SPAG16: variants seen among roughly 807,000 people sequenced by gnomAD.
SPAG16 encodes sperm-associated antigen 16 protein.
A neutral mutation model predicts 80.4 loss-of-function variants in SPAG16; 86 were observed. The observed-to-expected ratio is 1.07, with a 90% CI of 0.90 to 1.28. SPAG16 has a LOEUF of 1.28. Ranked by LOEUF, SPAG16 falls within the 50% of genes most tolerant of loss-of-function variation. The probability of loss-of-function intolerance (pLI) is 0.00; values close to 1 mark genes in which losing one functional copy is unlikely to be tolerated. For missense variants in SPAG16, 870 were observed against 765.3 expected (o/e 1.14, Z -1.61); for synonymous variants, 294 against 265.9 (o/e 1.11, Z -1.03).
At chr2:213,680,467 C>G (rs2064324792) in intron 10 of SPAG16, among the ~76,000 whole-genome samples, 1 of 151,450 alleles carries the variant, frequency 6.6e-6, no homozygotes, top group Non-Finnish European at 1.5e-5. Context: ...ATTACAAAGG[C>G]AAAAACAAGG....
intron 15 of SPAG16, among the ~76,000 whole-genome samples, chr2:214,326,756 T>C (rs1347906304): frequency 6.6e-6 from 1 of 151,918 alleles, no homozygotes; most frequent in Non-Finnish European, 1.5e-5. Flanking sequence ...CCATCCTGGC[T>C]AACACGGTGA....
intron 10 of SPAG16, among the ~76,000 whole-genome samples, chr2:213,645,504 A>C (rs2062787998): frequency 6.6e-6 from 1 of 152,120 alleles, no homozygotes; most frequent in Admixed American, 6.5e-5. Flanking sequence ...CCTTCAAGGC[A>C]GTGGGTTCTT....
At chr2:214,202,186 G>C (rs974498319) in intron 15 of SPAG16, among the ~76,000 whole-genome samples, 11 of 152,176 alleles carry the variant, frequency 7.2e-5, no homozygotes, top group Non-Finnish European at 1.3e-4. Context: ...TACTTTGGAT[G>C]TGGGAGACGT....
At chr2:213,863,590 T>G (rs974515282) in intron 11 of SPAG16, among the ~76,000 whole-genome samples, 5 of 152,096 alleles carry the variant, frequency 3.3e-5, no homozygotes, top group African/African-American at 1.2e-4. Context: ...TTTATGAACA[T>G]GCAGTGTATT....
chr2:213,781,629 G>A (rs1030081568), intron 10 of SPAG16, among the ~76,000 whole-genome samples: 1 of 152,102 alleles, frequency 6.6e-6, no homozygotes, highest in Admixed American at 6.5e-5. Context: ...TTACATTAAG[G>A]AGAAAAATCT....
chr2:213,964,275 A>C (rs1393567585), intron 12 of SPAG16, among the ~76,000 whole-genome samples: 1 of 152,164 alleles, frequency 6.6e-6, no homozygotes, highest in African/African-American at 2.4e-5. Flanking sequence ...AAGGACAATA[A>C]ATATGCAATT....
intron 9 of SPAG16, among the ~76,000 whole-genome samples, chr2:213,423,007 A>C (rs2069690905): frequency 6.6e-6 from 1 of 152,224 alleles, no homozygotes; most frequent in Admixed American, 6.5e-5. Flanking sequence ...TTAGGCTGTT[A>C]CTTCAAACAC....
chr2:214,208,663 T>A (rs1912168), intron 15 of SPAG16, among the ~76,000 whole-genome samples: 3,105 of 150,232 alleles, frequency 0.021, 56 homozygotes, highest in Non-Finnish European at 0.031. Context: ...GAGGTTGCAA[T>A]TTTTTTTTTA....
At chr2:213,763,291 A>G (rs1479019264) in intron 10 of SPAG16, among the ~76,000 whole-genome samples, 3 of 152,204 alleles carry the variant, frequency 2.0e-5, no homozygotes, top group Admixed American at 6.5e-5. Context: ...ATTTAGCACT[A>G]AGAATTGAAA....
intron 10 of SPAG16, among the ~76,000 whole-genome samples, chr2:213,797,084 A>G (rs2071089189): frequency 6.6e-6 from 1 of 152,064 alleles, no homozygotes; most frequent in Non-Finnish European, 1.5e-5. Flanking sequence ...AATCAACCTT[A>G]TAGAATAAGA....
chr2:213,556,356 A>C (rs1326596264), intron 10 of SPAG16, among the ~76,000 whole-genome samples: 1 of 151,328 alleles, frequency 6.6e-6, no homozygotes, highest in Non-Finnish European at 1.5e-5. Context: ...TGCCTACAAG[A>C]GCCTCACTTT....
At chr2:214,118,028 C>G (rs367920513) in intron 14 of SPAG16, among the ~76,000 whole-genome samples, 1 of 152,090 alleles carries the variant, frequency 6.6e-6, no homozygotes, top group Non-Finnish European at 1.5e-5. Flanking sequence ...AAAGAAATAA[C>G]GCGCATCCAA....
intron 12 of SPAG16, among the ~76,000 whole-genome samples, chr2:213,949,179 T>TTTTTTTTTTTTTTTTTG (rs1553677674): frequency 5.5e-5 from 2 of 36,254 alleles, no homozygotes; most frequent in Admixed American, 4.8e-4. Flanking sequence ...GTTTTTTTTT[T>TTTTTTTTTTTTTTTTTG]TTTTTTTTTT....
chr2:214,101,412 GTTGT>G lies in SPAG16; in HGVS notation c.1528-6777_1528-6774del, dbSNP rs1260480476. Among the ~76,000 whole-genome samples, 3 of 152,160 alleles carry G rather than the reference GTTGT, an allele frequency of 2.0e-5. No homozygotes were observed. In the East Asian group the frequency reaches 5.8e-4, roughly 29 times the overall value. On this transcript the variant is annotated intron_variant, in intron 13 of 15. Transcript: ENST00000331683. ...GGATCTCTCAGCCATGACCTTGAATGTTGTTTGTTTCTGCCAGAGGGAAAAGGGA... is the reference window on the plus strand; with the variant it reads ...GGATCTCTCAGCCATGACCTTGAATGTTGTTTCTGCCAGAGGGAAAAGGGA...
At chr2:213,858,449 A>G (rs2075272253) in intron 10 of SPAG16, among the ~76,000 whole-genome samples, 1 of 152,220 alleles carries the variant, frequency 6.6e-6, no homozygotes, top group Admixed American at 6.5e-5. Context: ...TTTTAGCAAT[A>G]AAGTATTTTT....
intron 6 of SPAG16, among the ~76,000 whole-genome samples, chr2:213,347,715 C>T (rs1167339094): frequency 6.6e-6 from 1 of 152,196 alleles, no homozygotes; most frequent in Non-Finnish European, 1.5e-5. Context: ...TTTCTTAATC[C>T]TGAGTTCTAG....
intron 10 of SPAG16, among the ~76,000 whole-genome samples, chr2:213,827,341 G>C (rs1425424239): frequency 6.6e-6 from 1 of 151,700 alleles, no homozygotes; most frequent in Non-Finnish European, 1.5e-5. Context: ...TGTACTCATT[G>C]TATGTTTTTA....
intron 15 of SPAG16, among the ~76,000 whole-genome samples, chr2:214,164,877 C>T (rs2056584563): frequency 6.6e-6 from 1 of 151,996 alleles, no homozygotes; most frequent in African/African-American, 2.4e-5. Flanking sequence ...TTTAAATGCT[C>T]CGGACACTGC....
At chr2:213,337,422 C>T (rs184275128) in intron 5 of SPAG16, among the ~76,000 whole-genome samples, 1 of 152,268 alleles carries the variant, frequency 6.6e-6, no homozygotes, top group East Asian at 1.9e-4. Context: ...TAATGAACTT[C>T]ACTGAGCTAA....
Sources: gnomAD v4.1 joint callset for allele counts (sites outside exome capture counted in the v4.1 genomes callset) on GRCh38, gnomAD v4.1.1 for gene constraint, MANE v1.5 for transcripts, NCBI Gene and HGNC (gene_info 2026-07-23, HGNC 2026-07-21) for gene names.